LRP1B: variants seen among roughly 807,000 people sequenced by gnomAD.
LRP1B encodes LDL receptor related protein 1B.
LRP1B carries 217 observed loss-of-function variants against 556.6 expected under a neutral mutation model. The ratio of observed to expected loss-of-function variants is 0.39; its 90% CI spans 0.35 to 0.44. LRP1B has a LOEUF of 0.44. Ranked by LOEUF, LRP1B falls within the 20% of genes least tolerant of loss-of-function variation. The probability of loss-of-function intolerance (pLI) is 1.00; values close to 1 mark genes in which losing one functional copy is unlikely to be tolerated. For missense variants in LRP1B, 5,053 were observed against 5,620.8 expected, an observed-to-expected ratio of 0.90 and a Z score of 3.23; for synonymous variants, 2,047 against 1,865.8, an observed-to-expected ratio of 1.10 and a Z score of -2.50.
intron 3 of LRP1B, among the ~76,000 whole-genome samples, chr2:141,412,803 T>G (rs1056827019): frequency 1.3e-5 from 2 of 152,068 alleles, no homozygotes; most frequent in African/African-American, 2.4e-5. Context: ...CCCCCAAAAT[T>G]ACACAACTCC....
chr2:141,071,909 T>C (rs573020284), intron 7 of LRP1B, among the ~76,000 whole-genome samples: 1 of 152,236 alleles, frequency 6.6e-6, no homozygotes, highest in East Asian at 1.9e-4. Context: ...GAATCAATAT[T>C]GTGAAAATGG....
At chr2:141,171,151 C>G (rs1029479431) in intron 7 of LRP1B, among the ~76,000 whole-genome samples, 1 of 152,086 alleles carries the variant, frequency 6.6e-6, no homozygotes, top group Non-Finnish European at 1.5e-5. Flanking sequence ...TGTGTTAACA[C>G]TTGTTACAAT....
chr2:141,863,193 C>A (rs556446267), intron 1 of LRP1B, among the ~76,000 whole-genome samples: 1 of 152,218 alleles, frequency 6.6e-6, no homozygotes, highest in Non-Finnish European at 1.5e-5. Flanking sequence ...CAGTGCTTCC[C>A]ATCGGTTAGG....
In LRP1B at chr2:141,066,430, G is replaced by A. The variant is rs550665943; in HGVS notation, c.1014-4157C>T. On this transcript the variant is annotated intron_variant, in intron 7 of 90. Transcript: ENST00000389484. ...GTCACAAAGGGAGCGCTCATGGACA[G>A]TGACAGAGCACTGTGCTTACAGAGT... is the stretch of plus-strand genomic sequence containing the variant. Among the ~76,000 whole-genome samples, 6 of 152,120 alleles carry A rather than the reference G, an allele frequency of 3.9e-5. No homozygotes were observed. The South Asian group carries it at 6.2e-4, about 16-fold the overall frequency.
intron 25 of LRP1B, among the ~76,000 whole-genome samples, chr2:140,882,677 G>T (rs187303363): frequency 1.2e-4 from 18 of 152,322 alleles, no homozygotes; most frequent in Admixed American, 1.2e-3. Context: ...GAGGAAAAGA[G>T]ACACAAACAT....
At chr2:141,279,712 G>T (rs375215461) in intron 3 of LRP1B, among the ~76,000 whole-genome samples, 1 of 152,010 alleles carries the variant, frequency 6.6e-6, no homozygotes, top group South Asian at 2.1e-4. Context: ...TGATTCATTC[G>T]TTTGCCTCTT....
chr2:141,862,643 G>A (rs1259236114), intron 1 of LRP1B, among the ~76,000 whole-genome samples: 1 of 152,096 alleles, frequency 6.6e-6, no homozygotes, highest in Admixed American at 6.6e-5. Flanking sequence ...TCCCGACCTC[G>A]TGATCCACCT....
intron 1 of LRP1B, among the ~76,000 whole-genome samples, chr2:142,031,328 TTA>T (rs1703687509): frequency 1.2e-5 from 1 of 85,984 alleles, no homozygotes; most frequent in African/African-American, 4.1e-5. Flanking sequence ...TTGATTATAC[TTA>T]TTTTTTTTTT....
At chr2:140,843,695 C>T (rs1207154522) in intron 29 of LRP1B, among the ~76,000 whole-genome samples, 2 of 152,172 alleles carry the variant, frequency 1.3e-5, no homozygotes, top group African/African-American at 2.4e-5. Context: ...ACAACATCAT[C>T]CCTTCAACCA....
At chr2:141,623,798 T>C (rs1277059825) in intron 2 of LRP1B, among the ~76,000 whole-genome samples, 1 of 151,694 alleles carries the variant, frequency 6.6e-6, no homozygotes, top group Non-Finnish European at 1.5e-5. Context: ...GGGTGGATCA[T>C]GAGGTCAGGA....
chr2:141,343,592 C>T (rs1391259749), intron 3 of LRP1B, among the ~76,000 whole-genome samples: 2 of 152,060 alleles, frequency 1.3e-5, no homozygotes, highest in Non-Finnish European at 2.9e-5. Context: ...TTTGATAGAG[C>T]CAGAACAGCA....
At chr2:141,711,459 A>T (rs1020876084) in intron 2 of LRP1B, among the ~76,000 whole-genome samples, 1 of 152,182 alleles carries the variant, frequency 6.6e-6, no homozygotes, top group African/African-American at 2.4e-5. Context: ...AGGAGATACC[A>T]TGTAGAGACA....
At chr2:140,883,514 A>G (rs1316631757) in intron 25 of LRP1B, among the ~76,000 whole-genome samples, 3 of 152,016 alleles carry the variant, frequency 2.0e-5, no homozygotes. Flanking sequence ...ACTGTTTTGA[A>G]AAAGAGTTGC....
intron 46 of LRP1B, among the ~76,000 whole-genome samples, chr2:140,534,408 A>C (rs1690857818): frequency 6.6e-6 from 1 of 152,128 alleles, no homozygotes; most frequent in African/African-American, 2.4e-5. Flanking sequence ...TGTTTCTGGC[A>C]CTTCTGTCAA....
chr2:141,680,738 A>C (rs564507128), intron 2 of LRP1B, among the ~76,000 whole-genome samples: 4 of 152,296 alleles, frequency 2.6e-5, no homozygotes, highest in South Asian at 4.1e-4. Flanking sequence ...TAAAGTTGCA[A>C]AATTTCTAGG....
intron 1 of LRP1B, among the ~76,000 whole-genome samples, chr2:141,927,394 T>A (rs1200927094): frequency 6.6e-6 from 1 of 152,140 alleles, no homozygotes; most frequent in African/African-American, 2.4e-5. Flanking sequence ...TTTTATAAAA[T>A]TTTAATTTAC....
chr2:140,775,145 C>T (rs1689447658), intron 33 of LRP1B, among the ~76,000 whole-genome samples: 1 of 152,044 alleles, frequency 6.6e-6, no homozygotes, highest in Admixed American at 6.6e-5. Context: ...GTGACCCAAT[C>T]CCTGTACAGG....
chr2:141,344,671 T>G (rs148869643), intron 3 of LRP1B, among the ~76,000 whole-genome samples: 1,788 of 152,308 alleles, frequency 0.012, 24 homozygotes, highest in Middle Eastern at 0.021. Flanking sequence ...TCTCCTCCAT[T>G]GAAATATAAG....
chr2:140,682,367 T>C (rs2105380046), intron 41 of LRP1B, among the ~76,000 whole-genome samples: 1 of 152,326 alleles, frequency 6.6e-6, no homozygotes, highest in African/African-American at 2.4e-5. Context: ...ATCTCAACTT[T>C]CAGAGAGCAT....
Sources: allele counts gnomAD v4.1 joint callset (sites outside exome capture counted in the v4.1 genomes callset), GRCh38; gene constraint gnomAD v4.1.1; transcripts MANE v1.5; gene names NCBI Gene and HGNC (gene_info 2026-07-23, HGNC 2026-07-21).